BCAS3: variants seen among roughly 807,000 people sequenced by gnomAD.
BCAS3 encodes BCAS3 microtubule associated cell migration factor.
Under a neutral mutation model 116.1 loss-of-function variants are expected in BCAS3, and 53 were observed. The ratio of observed to expected loss-of-function variants is 0.46; its 90% CI spans 0.37 to 0.57. The LOEUF is 0.57. Among genes scored for constraint, BCAS3 ranks in the 20% least tolerant of loss-of-function variants. The probability of loss-of-function intolerance (pLI) is 0.00; values close to 1 mark genes in which losing one functional copy is unlikely to be tolerated. For synonymous variants in BCAS3, 391 were observed against 408.2 expected, an observed-to-expected ratio of 0.96 and a Z score of 0.51; for missense variants, 917 against 1,165.4, an observed-to-expected ratio of 0.79 and a Z score of 3.10.
intron 14 of BCAS3, among the ~76,000 whole-genome samples, chr17:60,976,927 TG>T (rs1252499880): frequency 1.3e-5 from 2 of 152,186 alleles, no homozygotes; most frequent in African/African-American, 2.4e-5. Flanking sequence ...ATCGTCATCA[TG>T]GCCCGTTCTC....
chr17:61,252,076 A>G (rs1002647531), intron 22 of BCAS3, among the ~76,000 whole-genome samples: 1 of 152,248 alleles, frequency 6.6e-6, no homozygotes, highest in Non-Finnish European at 1.5e-5. Context: ...AAGTATATGC[A>G]CTCTTAAAAG....
chr17:61,053,153 A>G (rs1269892778), intron 19 of BCAS3, among the ~76,000 whole-genome samples: 1 of 152,132 alleles, frequency 6.6e-6, no homozygotes. Context: ...TAGGACTTAA[A>G]AGTGGTATTG....
intron 7 of BCAS3, among the ~76,000 whole-genome samples, chr17:60,849,361 C>G (rs2052847451): frequency 6.6e-6 from 1 of 151,312 alleles, no homozygotes; most frequent in Admixed American, 6.6e-5. Flanking sequence ...CTGTACTTCA[C>G]AAATTCAGTT....
intron 22 of BCAS3, among the ~76,000 whole-genome samples, chr17:61,185,682 A>G (rs1601788860): frequency 1.3e-5 from 2 of 152,262 alleles, no homozygotes; most frequent in African/African-American, 4.8e-5. Flanking sequence ...TTCACAAATC[A>G]CTGTTATCCT....
chr17:60,741,032 G>C (rs184306675), intron 5 of BCAS3, among the ~76,000 whole-genome samples: 2 of 152,140 alleles, frequency 1.3e-5, no homozygotes, highest in African/African-American at 4.8e-5. Context: ...ATTTTACAAT[G>C]TCTTGTCCAC....
In BCAS3 at chr17:60,849,359, C is replaced by T. The variant is rs139047845; in HGVS notation, c.477-19217C>T. On this transcript the variant is annotated intron_variant, in intron 7 of 23. Transcript: ENST00000407086. ...TAATTCTGGAAAATGTACTGTACTT[C>T]ACAAATTCAGTTTTCTGCATGAACT... is the stretch of plus-strand genomic sequence containing the variant. 3.6e-3 allele frequency among the ~76,000 whole-genome samples: 538 copies of T among 151,246 alleles called. 10 individuals carry two copies. In the South Asian group the frequency reaches 0.045, roughly 13 times the overall value.
In BCAS3 at chr17:61,313,889, C is replaced by T. The variant is rs1302861831; in HGVS notation, c.2426-54438C>T. 6.6e-6 allele frequency among the ~76,000 whole-genome samples: 1 copy of T among 152,186 alleles called. No individual in the cohort carries two copies. The highest frequency in any genetic ancestry group is 2.4e-5 in the African/African-American group (1 of 41,438). ...CCACACGTGGGCCTGCTGTCTCCTCCACCAGCCCCACTCGCCCGGCCCCAT... is the reference window on the plus strand; with the variant it reads ...CCACACGTGGGCCTGCTGTCTCCTCTACCAGCCCCACTCGCCCGGCCCCAT... On this transcript the variant is annotated intron_variant, in intron 22 of 23. Transcript: ENST00000407086. This position sits in a 1 kb window ranked among gnomAD's most constrained non-coding sequence, Gnocchi z 4.3.
At chr17:60,992,191 CACACA>C (rs2063568991) in intron 15 of BCAS3, among the ~76,000 whole-genome samples, 5 of 104,378 alleles carry the variant, frequency 4.8e-5, no homozygotes, top group African/African-American at 1.8e-4. Flanking sequence ...CGATGACTTA[CACACA>C]CACACACACA....
chr17:61,051,402 T>C lies in BCAS3; in HGVS notation c.2029+10510T>C, dbSNP rs2068845654. 6.7e-6 allele frequency among the ~76,000 whole-genome samples: 1 copy of C among 149,350 alleles called. No individual in the cohort carries two copies. The highest frequency in any genetic ancestry group is 1.5e-5 in the Non-Finnish European group (1 of 66,432). ...AGTGGAGGTTACACCAATTTACACA[T>C]GTGATAAAATTGAATAGACCCTCAC... On this transcript the variant is annotated intron_variant, in intron 19 of 23. Transcript: ENST00000407086. The surrounding 1 kb of genome is among the most constrained non-coding windows in gnomAD (Gnocchi z 4.1).
chr17:61,119,753 T>C (rs1273938375), intron 22 of BCAS3, among the ~76,000 whole-genome samples: 1 of 152,068 alleles, frequency 6.6e-6, no homozygotes, highest in African/African-American at 2.4e-5. Flanking sequence ...ATTTTTTCAC[T>C]TAGAAAATTC....
intron 7 of BCAS3, among the ~76,000 whole-genome samples, chr17:60,866,558 A>G (rs906521820): frequency 2.0e-4 from 30 of 152,254 alleles, no homozygotes; most frequent in African/African-American, 7.0e-4. Context: ...ATTATAAAAT[A>G]TGTTGGAAAG....
intron 7 of BCAS3, among the ~76,000 whole-genome samples, chr17:60,841,528 C>T (rs998466591): frequency 2.3e-4 from 35 of 150,244 alleles, no homozygotes; most frequent in East Asian, 1.2e-3. Context: ...TACAGGTGCC[C>T]GCCACCACAC....
intron 22 of BCAS3, among the ~76,000 whole-genome samples, chr17:61,290,528 A>G (rs989089836): frequency 2.6e-5 from 4 of 152,246 alleles, no homozygotes; most frequent in African/African-American, 4.8e-5. Flanking sequence ...GAGCTAAAAT[A>G]TTAAATCACC....
At chr17:60,916,553 A>G (rs1453066945) in intron 12 of BCAS3, among the ~76,000 whole-genome samples, 1 of 152,226 alleles carries the variant, frequency 6.6e-6, no homozygotes, top group East Asian at 1.9e-4. Flanking sequence ...GGGTAAAAAT[A>G]AAGGTATATG....
At chr17:60,692,172 A>G (rs2034917733) in intron 4 of BCAS3, among the ~76,000 whole-genome samples, 1 of 152,204 alleles carries the variant, frequency 6.6e-6, no homozygotes, top group African/African-American at 2.4e-5. Context: ...ATTGGTTAAC[A>G]TCAGGTTACT....
intron 22 of BCAS3, among the ~76,000 whole-genome samples, chr17:61,102,365 A>G (rs536941010): frequency 3.3e-5 from 5 of 152,172 alleles, no homozygotes; most frequent in African/African-American, 4.8e-5. Flanking sequence ...ATTAAATGAT[A>G]TATAATGAAC....
At position 61,019,487 on chromosome 17, in the gene BCAS3, G is replaced by C. The variant is rs1426786695; in HGVS notation, c.1637+3586G>C. ...ATAAAGTTTTCAGAATATAATATAT[G>C]GTTTGATTATCTTAAAATTTAACAT... On this transcript the variant is annotated intron_variant, in intron 16 of 23. Coordinates refer to ENST00000407086, the MANE Select transcript of BCAS3 (RefSeq NM_017679.5). The surrounding 1 kb of genome is among the most constrained non-coding windows in gnomAD (Gnocchi z 5.6). 7.2e-5 allele frequency among the ~76,000 whole-genome samples: 11 copies of C among 151,948 alleles called. No homozygotes were observed.
chr17:60,694,623 CG>C (rs767495032), intron 4 of BCAS3, among the ~76,000 whole-genome samples: 2 of 150,444 alleles, frequency 1.3e-5, no homozygotes, highest in Non-Finnish European at 2.9e-5. Flanking sequence ...GGATTTTAGG[CG>C]TGAGCCACCA....
At chr17:61,116,120 T>C (rs1001535008) in intron 22 of BCAS3, among the ~76,000 whole-genome samples, 9 of 150,170 alleles carry the variant, frequency 6.0e-5, no homozygotes, top group African/African-American at 1.7e-4. Context: ...AGGGATAGCA[T>C]TGGGAGATAT....
Sources: allele counts gnomAD v4.1 joint callset (sites outside exome capture counted in the v4.1 genomes callset), GRCh38; gene constraint gnomAD v4.1.1; non-coding constraint Gnocchi (gnomAD v3.1); transcripts MANE v1.5; gene names NCBI Gene and HGNC (gene_info 2026-07-23, HGNC 2026-07-21).